Variants in FYB1 observed in about 807,000 individuals in gnomAD.
FYB1 encodes FYN binding protein 1.
A neutral mutation model predicts 94.1 loss-of-function variants in FYB1; 41 were observed. The ratio of observed to expected loss-of-function variants is 0.44; its 90% confidence interval spans 0.34 to 0.57. FYB1 has a LOEUF of 0.57. FYB1 is among the 20% of genes least tolerant of loss of function. The pLI is 0.02. For missense variants in FYB1, 1,050 were observed against 976.8 expected, an observed-to-expected ratio of 1.07 and a Z score of -1.00; for synonymous variants, 367 against 353.2, an observed-to-expected ratio of 1.04 and a Z score of -0.44.
intron 1 of FYB1, among the ~76,000 whole-genome samples, chr5:39,255,158 T>C (rs1035677483): frequency 6.6e-6 from 1 of 152,130 alleles, no homozygotes; most frequent in Non-Finnish European, 1.5e-5. Context: ...GGGGAAAAGG[T>C]TTATTGTGGA....
intron 1 of FYB1, among the ~76,000 whole-genome samples, chr5:39,244,490 C>G (rs1751377541): frequency 6.6e-6 from 1 of 152,098 alleles, no homozygotes; most frequent in Admixed American, 6.6e-5. Context: ...GGGATGAAGG[C>G]CACTTGATCG....
chr5:39,105,562 G>A lies in FYB1; in HGVS notation c.*1881C>T, dbSNP rs1760327091. ...TGCAATGCAAGTCTGCCCCAATGAA[G>A]GCAGGAGGAGGGATGGCTGGAAGTG... On this transcript the variant is annotated 3_prime_UTR_variant, in exon 19 of 19. Coordinates refer to ENST00000512982, the MANE Select transcript of FYB1 (RefSeq NM_001465.6). The A allele has an allele frequency of 6.6e-6, 1 of 152,070 alleles. No individual in the cohort carries two copies. Among genetic ancestry groups the A allele is most frequent in the Non-Finnish European group, 1.5e-5 (1 of 68,014 alleles). The allele number at this position is 152,070 out of a possible 1,614,324, so 9.4% of individuals were successfully genotyped here.
At chr5:39,180,526 C>G (rs930893945) in intron 2 of FYB1, among the ~76,000 whole-genome samples, 4 of 152,212 alleles carry the variant, frequency 2.6e-5, no homozygotes, top group South Asian at 4.1e-4. Flanking sequence ...ACCAGACCAA[C>G]CCAGGAAGAC....
At chr5:39,236,570 T>C (rs1347237288) in intron 1 of FYB1, among the ~76,000 whole-genome samples, 1 of 152,020 alleles carries the variant, frequency 6.6e-6, no homozygotes, top group Non-Finnish European at 1.5e-5. Flanking sequence ...GGGTACAGAT[T>C]TTACAGTCAA....
chr5:39,116,708 A>C (rs1739601489), intron 16 of FYB1, among the ~76,000 whole-genome samples: 1 of 152,140 alleles, frequency 6.6e-6, no homozygotes, highest in African/African-American at 2.4e-5. Context: ...TGTTGATGAG[A>C]TCATAACATC....
At chr5:39,178,698 A>G (rs894174820) in intron 2 of FYB1, among the ~76,000 whole-genome samples, 1 of 152,318 alleles carries the variant, frequency 6.6e-6, no homozygotes, top group South Asian at 2.1e-4. Flanking sequence ...AAAAAAATGC[A>G]TAAGTCCTCC....
At chr5:39,243,671 T>C (rs1751325116) in intron 1 of FYB1, among the ~76,000 whole-genome samples, 1 of 152,346 alleles carries the variant, frequency 6.6e-6, no homozygotes, top group Non-Finnish European at 1.5e-5. Flanking sequence ...TTTCCAATTC[T>C]GTGAAGAAAG....
At position 39,169,228 on chromosome 5, in the gene FYB1, C is replaced by A. The variant is rs1745019801; in HGVS notation, c.1136-15624G>T. Reference sequence around the variant, plus strand: ...TCAGTTCATTTGCCATATGGTTGGTCGTGGTGCATTTCTGGTGTATAAGTC... The same window carrying A: ...TCAGTTCATTTGCCATATGGTTGGTAGTGGTGCATTTCTGGTGTATAAGTC... On this transcript the variant is annotated intron_variant, in intron 2 of 18. Coordinates refer to ENST00000512982, the MANE Select transcript of FYB1 (RefSeq NM_001465.6). 3 of 1,091,458 alleles carry A rather than the reference C, an allele frequency of 2.7e-6. No individual in the cohort carries two copies. In the South Asian group the frequency reaches 3.7e-5, roughly 13 times the overall value. The allele number at this position is 1,091,458 out of a possible 1,614,324, so 67.6% of individuals were successfully genotyped here.
At chr5:39,123,559 T>C (rs905838105) in intron 13 of FYB1, among the ~76,000 whole-genome samples, 19 of 152,260 alleles carry the variant, frequency 1.2e-4, no homozygotes, top group Middle Eastern at 3.4e-3. Context: ...GTTTGTCCCT[T>C]ACATATTTTC....
intron 1 of FYB1, among the ~76,000 whole-genome samples, chr5:39,231,405 G>A (rs1750739974): frequency 6.6e-6 from 1 of 152,078 alleles, no homozygotes. Flanking sequence ...AAAGCTTTCT[G>A]TTAGGTGCTA....
intron 12 of FYB1, 76 bp downstream of exon 12, chr5:39,125,922 T>C: frequency 1.4e-6 from 2 of 1,426,230 alleles, no homozygotes; most frequent in Non-Finnish European, 9.6e-7. Flanking sequence ...TTATTGGTTA[T>C]AGAATATTAG....
At chr5:39,146,907 A>T (rs1742702902) in intron 3 of FYB1, among the ~76,000 whole-genome samples, 1 of 152,194 alleles carries the variant, frequency 6.6e-6, no homozygotes, top group Non-Finnish European at 1.5e-5. Context: ...AAAAGAAATG[A>T]GGAAAATAAA....
chr5:39,189,637 C>T (rs6882367), intron 2 of FYB1, among the ~76,000 whole-genome samples: 41,848 of 151,674 alleles, frequency 0.28, 5,847 homozygotes, highest in East Asian at 0.42. Context: ...AAGGATGGGT[C>T]AAAGAAATGA....
At chr5:39,122,491 C>T (rs1027921945) in intron 13 of FYB1, 89 bp from the exon 14 acceptor site, 3 of 769,356 alleles carry the variant, frequency 3.9e-6, no homozygotes, top group Non-Finnish European at 6.5e-6. Flanking sequence ...ATAAAGATTG[C>T]TTCAAGGACA....
intron 2 of FYB1, among the ~76,000 whole-genome samples, chr5:39,193,365 C>T (rs2150467506): frequency 6.6e-6 from 1 of 152,254 alleles, no homozygotes; most frequent in African/African-American, 2.4e-5. Context: ...AGTGTCCCTC[C>T]TCCAATTCCC....
intron 2 of FYB1, among the ~76,000 whole-genome samples, chr5:39,158,282 C>T (rs979666173): frequency 2.0e-5 from 3 of 152,206 alleles, no homozygotes; most frequent in Admixed American, 6.5e-5. Context: ...CTGGAATGGG[C>T]GGAGCACCGG....
chr5:39,162,577 C>T (rs965644670), intron 2 of FYB1, among the ~76,000 whole-genome samples: 13 of 151,838 alleles, frequency 8.6e-5, no homozygotes, highest in South Asian at 6.2e-4. Context: ...CCCAGCTACT[C>T]GGGAGGCTGA....
chr5:39,245,226 A>C (rs1052411693), intron 1 of FYB1, among the ~76,000 whole-genome samples: 4 of 152,178 alleles, frequency 2.6e-5, no homozygotes, highest in African/African-American at 4.8e-5. Flanking sequence ...CTGTATAGCA[A>C]TCATATTTTC....
At chr5:39,201,485 T>C (rs1748306922) in intron 2 of FYB1, among the ~76,000 whole-genome samples, 1 of 152,120 alleles carries the variant, frequency 6.6e-6, no homozygotes, top group South Asian at 2.1e-4. Flanking sequence ...TTGATAGGGG[T>C]AACATACCTC....
Sources: allele counts gnomAD v4.1 joint callset (sites outside exome capture counted in the v4.1 genomes callset), GRCh38; gene constraint gnomAD v4.1.1; transcripts MANE v1.5; gene names NCBI Gene and HGNC (gene_info 2026-07-23, HGNC 2026-07-21).